TSGA10IP: variants seen among roughly 807,000 people sequenced by gnomAD.
The protein encoded by TSGA10IP is testis specific 10 interacting protein.
Under a neutral mutation model 63.2 loss-of-function variants are expected in TSGA10IP, and 64 were observed. The ratio of observed to expected loss-of-function variants is 1.01; its 90% CI spans 0.83 to 1.25. The LOEUF (loss-of-function observed/expected upper bound fraction) is 1.25, where lower values mean the gene tolerates loss of function less well. TSGA10IP is among the 50% of genes most tolerant of loss of function. The pLI is 0.00. For missense variants in TSGA10IP, 681 were observed against 710.1 expected, an observed-to-expected ratio of 0.96 and a Z score of 0.47; for synonymous variants, 316 against 298.3, an observed-to-expected ratio of 1.06 and a Z score of -0.61.
At chr11:65,946,326 C>A (rs77659358) in intron 1 of TSGA10IP, among the ~76,000 whole-genome samples, 3 of 152,092 alleles carry the variant, frequency 2.0e-5, no homozygotes, top group Non-Finnish European at 4.4e-5. Flanking sequence ...GGGAAGGTTA[C>A]GTGTGTTTAT....
intron 5 of TSGA10IP, among the ~76,000 whole-genome samples, chr11:65,958,601 G>A (rs1855064297): frequency 6.6e-6 from 1 of 152,210 alleles, no homozygotes; most frequent in Non-Finnish European, 1.5e-5. Context: ...TGGCACAGGA[G>A]GATGGGCAAG....
chr11:65,945,881 C>A, intron 1 of TSGA10IP, 59 bp downstream of exon 1: 2 of 1,583,736 alleles, frequency 1.3e-6, no homozygotes, highest in South Asian at 2.3e-5. Flanking sequence ...GTCAGGGAGG[C>A]CTGGGCTGGG....
intron 4 of TSGA10IP, among the ~76,000 whole-genome samples, chr11:65,952,069 G>A (rs754249984): frequency 6.6e-6 from 1 of 152,112 alleles, no homozygotes; most frequent in Non-Finnish European, 1.5e-5. Context: ...GGCCAGACTA[G>A]TCTCGAACTC....
Position 65,955,518 on chromosome 11 carries a change from C to T in TSGA10IP, c.1322+1781C>T, listed in dbSNP as rs372347322. 1.9e-4 allele frequency among the ~76,000 whole-genome samples: 29 copies of T among 151,534 alleles called. No individual in the cohort carries two copies. In the South Asian group the frequency reaches 4.8e-3, roughly 25 times the overall value. The stretch of plus-strand genomic sequence containing the variant: ...GTCCCAGCTACTTGGGAGGCTGAGG[C>T]GGGAGAATCACTTGAACCCGGGAGG... On this transcript the variant is annotated intron_variant, in intron 5 of 7. Coordinates refer to ENST00000532620, the Ensembl canonical transcript of TSGA10IP.
chr11:65,946,898 G>C (rs1025970523), exon 2 of TSGA10IP: 1 of 1,613,772 alleles, frequency 6.2e-7, no homozygotes, highest in African/African-American at 1.3e-5. Flanking sequence ...GGGGAGTGGT[G>C]ATGGTGTGCC....
chr11:65,947,521 G>A (rs1854860060), exon 3 of TSGA10IP: 1 of 1,613,564 alleles, frequency 6.2e-7, no homozygotes, highest in Admixed American at 1.7e-5. Context: ...TGAGTTCTGG[G>A]GTGCTGCCCC....
At chr11:65,949,558 A>G (rs1006733799) in intron 4 of TSGA10IP, among the ~76,000 whole-genome samples, 1 of 151,658 alleles carries the variant, frequency 6.6e-6, no homozygotes, top group Non-Finnish European at 1.5e-5. Flanking sequence ...CTGGGACTAC[A>G]GGAGCCCACC....
intron 4 of TSGA10IP, 142 bp from the exon 5 acceptor site, chr11:65,953,425 A>G (rs543017603): frequency 1.2e-5 from 14 of 1,174,738 alleles, no homozygotes; most frequent in Non-Finnish European, 1.5e-5. Flanking sequence ...GACTTCCATG[A>G]CAAACCCTAC....
At chr11:65,947,275 C>T in exon 3 of TSGA10IP, 1 of 1,612,124 alleles carries the variant, frequency 6.2e-7, no homozygotes, top group Non-Finnish European at 8.5e-7. Flanking sequence ...GGCGCAAGTC[C>T]ACGGCCAACC....
chr11:65,950,795 C>T (rs1055455554), intron 4 of TSGA10IP, among the ~76,000 whole-genome samples: 1 of 152,140 alleles, frequency 6.6e-6, no homozygotes, highest in Non-Finnish European at 1.5e-5. Flanking sequence ...CTATCCTGAC[C>T]TCGTGATCCA....
Position 65,948,160 on chromosome 11 carries a change from G to A in TSGA10IP, c.1151+12G>A. 1.9e-6 allele frequency: 3 copies of A among 1,599,818 alleles called. No individual in the cohort carries two copies. The highest frequency in any genetic ancestry group is 2.6e-6 in the Non-Finnish European group (3 of 1,173,506). ...CAGGAAGCCACCAGGTAAGAGGGAA[G>A]AGAAGGGAGTGGGAGCCCAGAATGA... On this transcript the variant is annotated intron_variant, in intron 4 of 7. Coordinates refer to ENST00000532620, the Ensembl canonical transcript of TSGA10IP.
chr11:65,957,823 G>C (rs1855051191), intron 5 of TSGA10IP, among the ~76,000 whole-genome samples: 1 of 152,160 alleles, frequency 6.6e-6, no homozygotes, highest in South Asian at 2.1e-4. Flanking sequence ...TCTCTTACAT[G>C]CTTCACAGAT....
At chr11:65,959,777 G>A (rs1489891399) in intron 7 of TSGA10IP, 40 bp from the exon 8 acceptor site, 4 of 1,525,558 alleles carry the variant, frequency 2.6e-6, no homozygotes, top group Non-Finnish European at 3.5e-6. Flanking sequence ...GCATGGGGGT[G>A]GGAGCTGCAG....
At chr11:65,953,655 C>G in exon 5 of TSGA10IP, 1 of 1,590,524 alleles carries the variant, frequency 6.3e-7, no homozygotes, top group South Asian at 1.1e-5. Flanking sequence ...TGTACAGCGG[C>G]AGGTGGCCCA....
chr11:65,945,811 C>T lies in TSGA10IP; in HGVS notation c.136C>T (p.Gln46Ter), dbSNP rs768630030. 13 of 1,613,728 alleles carry T rather than the reference C, an allele frequency of 8.1e-6. No homozygotes were observed. The East Asian group carries it at 2.9e-4, about 36-fold the overall frequency. ...GCTCAAGCTGCTGTCGACCGTCTCT[C>T]AGGACAAGCAGGTGAGGGAGGCCCA... The change falls in exon 1 of 8, where the codon CAG becomes TAG. Residue 46 changes from glutamine to a stop codon, truncating the protein, a stop_gained. Coordinates refer to ENST00000532620, the Ensembl canonical transcript of TSGA10IP. LOFTEE classifies it high-confidence loss of function.
At chr11:65,959,390 G>T in intron 7 of TSGA10IP, 76 bp downstream of exon 7, 1 of 1,555,944 alleles carries the variant, frequency 6.4e-7, no homozygotes, top group South Asian at 1.2e-5. Context: ...AGCACTCTGG[G>T]CTCTGGAGGG....
chr11:65,948,120 A>T, exon 4 of TSGA10IP: 1 of 1,601,248 alleles, frequency 6.2e-7, no homozygotes. Context: ...CCCTAATCGC[A>T]CCTTCCACAA....
At chr11:65,954,529 G>A (rs945923600) in intron 5 of TSGA10IP, among the ~76,000 whole-genome samples, 1 of 151,992 alleles carries the variant, frequency 6.6e-6, no homozygotes, top group Non-Finnish European at 1.5e-5. Context: ...ACTCCTAACA[G>A]GTCCGTGAAG....
intron 4 of TSGA10IP, among the ~76,000 whole-genome samples, chr11:65,949,994 C>T (rs756843488): frequency 6.7e-6 from 1 of 149,982 alleles, no homozygotes; most frequent in Non-Finnish European, 1.5e-5. Flanking sequence ...CTGGGATTAC[C>T]GGTGCCTGCC....
Sources: gnomAD v4.1 joint callset for allele counts (sites outside exome capture counted in the v4.1 genomes callset) on GRCh38, gnomAD v4.1.1 for gene constraint, MANE v1.5 for transcripts, NCBI Gene and HGNC (gene_info 2026-07-23, HGNC 2026-07-21) for gene names.